Variants in CSMD1 observed in about 807,000 individuals in gnomAD.
CSMD1 encodes the protein CUB and Sushi multiple domains 1.
A neutral mutation model predicts 417.5 loss-of-function variants in CSMD1; 213 were observed. That is an observed-to-expected ratio of 0.51 (90% CI 0.46 to 0.57). CSMD1 has a LOEUF of 0.57. Ranked by LOEUF, CSMD1 falls within the 20% of genes least tolerant of loss-of-function variation. The pLI is 0.00. For synonymous variants in CSMD1, 2,862 were observed against 1,736.8 expected, an observed-to-expected ratio of 1.65 and a Z score of -16.11; for missense variants, 6,923 against 4,529.7, an observed-to-expected ratio of 1.53 and a Z score of -15.17.
At chr8:3,388,868 C>G (rs911701151) in intron 17 of CSMD1, among the ~76,000 whole-genome samples, 7 of 150,854 alleles carry the variant, frequency 4.6e-5, no homozygotes, top group African/African-American at 1.2e-4. Context: ...CTCCCTCCCT[C>G]TCTCTACATA....
At chr8:3,898,770 G>C (rs1057226583) in intron 5 of CSMD1, among the ~76,000 whole-genome samples, 5 of 151,940 alleles carry the variant, frequency 3.3e-5, no homozygotes, top group Non-Finnish European at 7.4e-5. Context: ...ATATATTTGA[G>C]GAAGACCTTC....
intron 8 of CSMD1, among the ~76,000 whole-genome samples, chr8:3,600,985 G>T (rs938924551): frequency 6.6e-6 from 1 of 152,168 alleles, no homozygotes; most frequent in Admixed American, 6.5e-5. Flanking sequence ...TATTCCAAGG[G>T]GGTCTCTGTA....
chr8:3,626,590 A>C (rs1000099258), intron 7 of CSMD1, among the ~76,000 whole-genome samples: 6 of 151,650 alleles, frequency 4.0e-5, no homozygotes, highest in African/African-American at 1.4e-4. Context: ...CTAGATTTAG[A>C]AAACCATGAG....
intron 3 of CSMD1, among the ~76,000 whole-genome samples, chr8:4,224,933 A>C (rs1419499021): frequency 2.0e-5 from 3 of 152,272 alleles, no homozygotes; most frequent in African/African-American, 7.2e-5. Flanking sequence ...CAATATTGTG[A>C]AACCCCATCA....
At chr8:3,266,129 A>C (rs1801412205) in intron 26 of CSMD1, among the ~76,000 whole-genome samples, 4 of 151,558 alleles carry the variant, frequency 2.6e-5, no homozygotes, top group Middle Eastern at 3.4e-3. Flanking sequence ...ATGTGCAGAA[A>C]GCAGACCTGA....
intron 25 of CSMD1, among the ~76,000 whole-genome samples, chr8:3,293,945 A>G (rs960654681): frequency 1.7e-4 from 26 of 151,844 alleles, no homozygotes; most frequent in South Asian, 4.2e-4. Context: ...TTTTTTCCCC[A>G]TCTTTGTGGT....
intron 3 of CSMD1, among the ~76,000 whole-genome samples, chr8:4,116,336 C>G (rs542972286): frequency 1.3e-5 from 2 of 152,132 alleles, no homozygotes; most frequent in Admixed American, 6.5e-5. Flanking sequence ...CTGTATGATA[C>G]TATAAGGGTG....
At chr8:3,431,671 G>A (rs1051041293) in intron 12 of CSMD1, among the ~76,000 whole-genome samples, 7 of 151,922 alleles carry the variant, frequency 4.6e-5, no homozygotes, top group South Asian at 2.1e-4. Flanking sequence ...TCATGTTTCC[G>A]GTAACATATG....
chr8:3,129,248 G>A (rs1289171555), intron 41 of CSMD1, among the ~76,000 whole-genome samples: 2 of 152,100 alleles, frequency 1.3e-5, no homozygotes, highest in Non-Finnish European at 2.9e-5. Context: ...TACATAACAT[G>A]GAATTCTAAA....
chr8:3,500,501 C>T (rs111882363), intron 10 of CSMD1, among the ~76,000 whole-genome samples: 6 of 151,788 alleles, frequency 4.0e-5, no homozygotes, highest in East Asian at 1.9e-4. Context: ...AAGGAAGGCA[C>T]GTGAAAAGAA....
At position 4,328,110 on chromosome 8, in the gene CSMD1, C is replaced by T. The variant is rs551098736; in HGVS notation, c.415+91843G>A. ...TGTAACAGAAACTATGCAAACAAGT[C>T]ACTATGTCCATTTATGAATGAAGAA... On this transcript the variant is annotated intron_variant, in intron 3 of 69. Coordinates refer to ENST00000635120, the MANE Select transcript of CSMD1 (RefSeq NM_033225.6). Among the ~76,000 whole-genome samples the T allele has an allele frequency of 1.5e-4, 23 of 152,280 alleles. 1 individual carries two copies. Among genetic ancestry groups the T allele is most frequent in the Admixed American group, 3.9e-4 (6 of 15,284 alleles).
intron 12 of CSMD1, among the ~76,000 whole-genome samples, chr8:3,452,061 T>C (rs2117109997): frequency 6.6e-6 from 1 of 152,300 alleles, no homozygotes. Flanking sequence ...CCTAGGTATT[T>C]TATTCTCTTT....
intron 30 of CSMD1, among the ~76,000 whole-genome samples, chr8:3,210,247 T>A (rs1797524201): frequency 6.6e-6 from 1 of 152,086 alleles, no homozygotes; most frequent in Non-Finnish European, 1.5e-5. Context: ...CTTTCCAGAT[T>A]TATAACATAA....
intron 3 of CSMD1, among the ~76,000 whole-genome samples, chr8:4,355,799 GGCT>G (rs1490826839): frequency 2.0e-5 from 3 of 152,146 alleles, no homozygotes; most frequent in African/African-American, 7.2e-5. Context: ...CTACTAACCT[GGCT>G]GCTGTTTGGA....
At chr8:3,992,617 C>T (rs977960273) in intron 5 of CSMD1, among the ~76,000 whole-genome samples, 6 of 152,082 alleles carry the variant, frequency 3.9e-5, no homozygotes, top group African/African-American at 1.2e-4. Context: ...GTCCGTGTGT[C>T]TACAAAAAAT....
At chr8:3,480,305 T>G (rs1423546170) in intron 11 of CSMD1, among the ~76,000 whole-genome samples, 2 of 152,174 alleles carry the variant, frequency 1.3e-5, no homozygotes, top group African/African-American at 2.4e-5. Flanking sequence ...GAGGATGCAT[T>G]GAGCACAGAT....
chr8:3,262,895 G>A (rs1376224835), intron 26 of CSMD1, among the ~76,000 whole-genome samples: 2 of 152,190 alleles, frequency 1.3e-5, no homozygotes, highest in Non-Finnish European at 2.9e-5. Context: ...AAGAGGGAAT[G>A]TGAACTTCAT....
intron 3 of CSMD1, among the ~76,000 whole-genome samples, chr8:4,366,463 T>A (rs1266178167): frequency 1.3e-5 from 2 of 152,228 alleles, no homozygotes; most frequent in Non-Finnish European, 2.9e-5. Context: ...ACTGCTGGTT[T>A]AAATAGTAGT....
At chr8:4,102,617 C>A (rs895583830) in intron 3 of CSMD1, among the ~76,000 whole-genome samples, 1 of 152,168 alleles carries the variant, frequency 6.6e-6, no homozygotes, top group South Asian at 2.1e-4. Flanking sequence ...TACTCAAATG[C>A]CTCCTGTTCT....
Sources: allele counts gnomAD v4.1 joint callset (sites outside exome capture counted in the v4.1 genomes callset), GRCh38; gene constraint gnomAD v4.1.1; transcripts MANE v1.5; gene names NCBI Gene and HGNC (gene_info 2026-07-23, HGNC 2026-07-21).